The following PRKG1 variants were observed in gnomAD, a reference collection of about 807,000 sequenced individuals.
PRKG1 encodes the protein cGMP-dependent protein kinase 1.
Under a neutral mutation model 88.1 loss-of-function variants are expected in PRKG1, and 35 were observed. The ratio of observed to expected loss-of-function variants is 0.40; its 90% CI spans 0.30 to 0.53. The LOEUF (loss-of-function observed/expected upper bound fraction) is 0.53, where lower values mean the gene tolerates loss of function less well. PRKG1 is among the 20% of genes least tolerant of loss of function. PRKG1 has a pLI of 0.59. For synonymous variants in PRKG1, 303 were observed against 292.5 expected (o/e 1.04, Z -0.37); for missense variants, 540 against 839.8 (o/e 0.64, Z 4.41).
chr10:52,039,365 G>C (rs1401164894), intron 5 of PRKG1, among the ~76,000 whole-genome samples: 1 of 152,114 alleles, frequency 6.6e-6, no homozygotes, highest in African/African-American at 2.4e-5. Flanking sequence ...CCAGGAAAAG[G>C]ACTTTCACAA....
intron 2 of PRKG1, among the ~76,000 whole-genome samples, chr10:51,274,545 G>A (rs994723778): frequency 1.3e-5 from 2 of 152,196 alleles, no homozygotes; most frequent in Non-Finnish European, 2.9e-5. Flanking sequence ...GTTTTACAAA[G>A]TAGTAAATAG....
At chr10:52,283,340 A>T (rs1842041983) in intron 14 of PRKG1, among the ~76,000 whole-genome samples, 1 of 152,090 alleles carries the variant, frequency 6.6e-6, no homozygotes, top group Admixed American at 6.6e-5. Flanking sequence ...GTGAGGCAGG[A>T]TGTGAAGAAT....
intron 2 of PRKG1, among the ~76,000 whole-genome samples, chr10:51,396,412 A>T (rs1837578435): frequency 6.6e-6 from 1 of 152,006 alleles, no homozygotes; most frequent in African/African-American, 2.4e-5. Flanking sequence ...AAAAAGAGAG[A>T]GAAAGGGATA....
chr10:52,091,841 T>C (rs1462040658), intron 7 of PRKG1, among the ~76,000 whole-genome samples: 1 of 152,228 alleles, frequency 6.6e-6, no homozygotes, highest in Non-Finnish European at 1.5e-5. Context: ...TTAATGCACA[T>C]TCATGGAATT....
chr10:51,002,631 C>CA (rs1401511993), intron 1 of PRKG1, among the ~76,000 whole-genome samples: 1 of 152,146 alleles, frequency 6.6e-6, no homozygotes, highest in Non-Finnish European at 1.5e-5. Flanking sequence ...TGCCATTCAG[C>CA]CTTCCTGTAA....
chr10:51,487,471 G>C (rs569137313), intron 3 of PRKG1, among the ~76,000 whole-genome samples: 15 of 152,264 alleles, frequency 9.9e-5, no homozygotes, highest in African/African-American at 3.6e-4. Flanking sequence ...TTAGAGACAA[G>C]ATTAAAAAAC....
intron 1 of PRKG1, among the ~76,000 whole-genome samples, chr10:51,076,977 T>C (rs983583080): frequency 1.1e-4 from 17 of 152,200 alleles, no homozygotes; most frequent in African/African-American, 3.1e-4. Flanking sequence ...AATGATAGAA[T>C]GCCTTCCAAG....
chr10:52,294,077 CT>C lies in PRKG1; in HGVS notation c.*178del. ...ACTTACCGCTTAGATGACAATAGTG[CT>C]CTTTACATGTTTTCTGTTTGAACCT... On this transcript the variant is annotated 3_prime_UTR_variant, in exon 18 of 18. Transcript: ENST00000373980. The C allele has an allele frequency of 3.9e-6, 2 of 507,450 alleles. No homozygotes were observed. Among genetic ancestry groups the C allele is most frequent in the Non-Finnish European group, 7.0e-6 (2 of 287,472 alleles). The allele number at this position is 507,450 out of a possible 1,614,324, so 31.4% of individuals were successfully genotyped here.
chr10:52,066,707 A>G (rs946223043), intron 7 of PRKG1, among the ~76,000 whole-genome samples: 1 of 152,202 alleles, frequency 6.6e-6, no homozygotes, highest in African/African-American at 2.4e-5. Context: ...GCTCTGTAAG[A>G]ATGTAACCTC....
chr10:51,636,360 G>A (rs1355871975), intron 3 of PRKG1, among the ~76,000 whole-genome samples: 7 of 152,062 alleles, frequency 4.6e-5, no homozygotes, highest in African/African-American at 9.7e-5. Flanking sequence ...AAATTAACAG[G>A]GTTAGATAAA....
At chr10:52,281,820 A>C (rs1842008433) in intron 13 of PRKG1, among the ~76,000 whole-genome samples, 1 of 152,156 alleles carries the variant, frequency 6.6e-6, no homozygotes, top group Non-Finnish European at 1.5e-5. Context: ...GGTCGTTAAC[A>C]ATTTTTAGGT....
intron 4 of PRKG1, among the ~76,000 whole-genome samples, chr10:51,831,298 T>C (rs1445691081): frequency 2.6e-5 from 4 of 152,046 alleles, no homozygotes; most frequent in South Asian, 2.1e-4. Flanking sequence ...CATTATATGT[T>C]CATGGTAGAA....
chr10:51,363,362 G>A (rs1488552801), intron 2 of PRKG1, among the ~76,000 whole-genome samples: 1 of 151,796 alleles, frequency 6.6e-6, no homozygotes, highest in Non-Finnish European at 1.5e-5. Context: ...CATCTCTCAC[G>A]GAATCTACCT....
chr10:51,240,886 T>G (rs1031830051), intron 2 of PRKG1, among the ~76,000 whole-genome samples: 1 of 152,216 alleles, frequency 6.6e-6, no homozygotes, highest in Non-Finnish European at 1.5e-5. Flanking sequence ...AGTGGATCTC[T>G]TCCAAAAGAA....
intron 1 of PRKG1, among the ~76,000 whole-genome samples, chr10:51,048,243 CTAT>C (rs1327027080): frequency 6.6e-6 from 1 of 151,930 alleles, no homozygotes; most frequent in African/African-American, 2.4e-5. Context: ...GTCTGTCTCT[CTAT>C]TTTCTTTTTC....
At chr10:51,078,974 T>C (rs1197939801) in intron 1 of PRKG1, among the ~76,000 whole-genome samples, 1 of 152,202 alleles carries the variant, frequency 6.6e-6, no homozygotes, top group African/African-American at 2.4e-5. Flanking sequence ...TTAAACTTTA[T>C]ACTGATATAT....
At chr10:51,460,215 T>C (rs1322070848) in intron 2 of PRKG1, among the ~76,000 whole-genome samples, 1 of 152,052 alleles carries the variant, frequency 6.6e-6, no homozygotes, top group African/African-American at 2.4e-5. Context: ...CCAGTTGAGA[T>C]CTGTTACATT....
chr10:51,675,514 C>T (rs1326769067), intron 3 of PRKG1, among the ~76,000 whole-genome samples: 3 of 151,974 alleles, frequency 2.0e-5, no homozygotes, highest in South Asian at 2.1e-4. Flanking sequence ...TTTGAGACAC[C>T]GAGTTGTCAA....
intron 3 of PRKG1, among the ~76,000 whole-genome samples, chr10:51,641,519 C>T (rs973467568): frequency 1.3e-5 from 2 of 152,146 alleles, no homozygotes; most frequent in East Asian, 3.9e-4. Flanking sequence ...TTTTTGGACC[C>T]CCTAAACAGT....
Sources: allele counts gnomAD v4.1 joint callset (sites outside exome capture counted in the v4.1 genomes callset), GRCh38; gene constraint gnomAD v4.1.1; transcripts MANE v1.5; gene names NCBI Gene and HGNC (gene_info 2026-07-23, HGNC 2026-07-21).